ITGA8: variants seen among roughly 807,000 people sequenced by gnomAD.
ITGA8 encodes the protein integrin subunit alpha 8, also known as integrin alpha-8.
In ITGA8, 91 loss-of-function variants were observed where a neutral mutation model predicts 142.3. The ratio of observed to expected loss-of-function variants is 0.64; its 90% confidence interval spans 0.54 to 0.76. ITGA8 has a LOEUF of 0.76. ITGA8 is among the 30% of genes least tolerant of loss of function. ITGA8 has a pLI of 0.00. For synonymous variants in ITGA8, 505 were observed against 485.2 expected, an observed-to-expected ratio of 1.04 and a Z score of -0.54; for missense variants, 1,406 against 1,327.7, an observed-to-expected ratio of 1.06 and a Z score of -0.92.
At chr10:15,544,105 A>G (rs113061441) in intron 27 of ITGA8, among the ~76,000 whole-genome samples, 8,397 of 152,174 alleles carry the variant, frequency 0.055, 748 homozygotes, top group African/African-American at 0.19. Flanking sequence ...GACCAGCCTA[A>G]GCAACATAGC....
At chr10:15,583,945 A>G (rs566323397) in intron 23 of ITGA8, among the ~76,000 whole-genome samples, 1 of 152,362 alleles carries the variant, frequency 6.6e-6, no homozygotes, top group African/African-American at 2.4e-5. Flanking sequence ...ACTAAACTCT[A>G]GAATAGAAAA....
intron 23 of ITGA8, among the ~76,000 whole-genome samples, chr10:15,582,655 G>C (rs1236226874): frequency 1.3e-5 from 2 of 152,254 alleles, no homozygotes; most frequent in African/African-American, 4.8e-5. Flanking sequence ...ATGAGATATT[G>C]ATGGCAAATA....
At chr10:15,712,163 T>C (rs1290708004) in intron 2 of ITGA8, among the ~76,000 whole-genome samples, 1 of 152,268 alleles carries the variant, frequency 6.6e-6, no homozygotes, top group Non-Finnish European at 1.5e-5. Flanking sequence ...AAACATGTAT[T>C]TAAGCTGAAT....
rs868486326 is a variant in ITGA8 at position 15,603,229 on chromosome 10, C to T, written c.2118+979G>A. Among the ~76,000 whole-genome samples, 7 of 152,102 alleles carry T rather than the reference C, an allele frequency of 4.6e-5. 1 individual carries two copies. The highest frequency in any genetic ancestry group is 3.4e-3 in the Middle Eastern group (1 of 294). On this transcript the variant is annotated intron_variant, in intron 20 of 29. Transcript: ENST00000378076. ...TTTATATTCCCTAAGTTTTTTAATG[C>T]CTTTAAAATACCAACATCACAACAA...
At position 15,676,591 on chromosome 10, in the gene ITGA8, A is replaced by G. The variant is rs138732292; in HGVS notation, c.676+1001T>C. On this transcript the variant is annotated intron_variant, in intron 6 of 29. Coordinates refer to ENST00000378076, the MANE Select transcript of ITGA8 (RefSeq NM_003638.3). ...GATACTAACCTCCATGACAGTAAGAACAATGTCTGTTTTTACTCATTAATG... is the reference window on the plus strand; with the variant it reads ...GATACTAACCTCCATGACAGTAAGAGCAATGTCTGTTTTTACTCATTAATG... Among the ~76,000 whole-genome samples the G allele has an allele frequency of 3.0e-3, 463 of 152,320 alleles. 2 individuals carry two copies. Among genetic ancestry groups the G allele is most frequent in the Middle Eastern group, 6.8e-3 (2 of 294 alleles).
intron 4 of ITGA8, among the ~76,000 whole-genome samples, chr10:15,683,464 C>G (rs1365104610): frequency 6.6e-6 from 1 of 152,124 alleles, no homozygotes; most frequent in African/African-American, 2.4e-5. Flanking sequence ...CTAGAACTGC[C>G]AGATGAGATT....
At chr10:15,644,445 T>C (rs1182994282) in intron 12 of ITGA8, among the ~76,000 whole-genome samples, 78 of 646 alleles carry the variant, frequency 0.12, 4 homozygotes, top group South Asian at 0.21. Context: ...TATATATATA[T>C]ATATATATAT....
intron 20 of ITGA8, among the ~76,000 whole-genome samples, chr10:15,597,753 T>C (rs1377820990): frequency 1.3e-5 from 2 of 152,192 alleles, no homozygotes; most frequent in African/African-American, 4.8e-5. Flanking sequence ...CAAATTTCTA[T>C]ACACCATGGT....
intron 9 of ITGA8, among the ~76,000 whole-genome samples, chr10:15,660,019 T>C (rs1381788664): frequency 6.6e-6 from 1 of 152,216 alleles, no homozygotes; most frequent in East Asian, 1.9e-4. Context: ...ATAGCAGTCA[T>C]GGAAACAAAT....
At chr10:15,686,884 A>G (rs1363146506) in intron 3 of ITGA8, among the ~76,000 whole-genome samples, 1 of 152,204 alleles carries the variant, frequency 6.6e-6, no homozygotes, top group African/African-American at 2.4e-5. Flanking sequence ...TGCAACTATT[A>G]TATGTTACAG....
intron 2 of ITGA8, among the ~76,000 whole-genome samples, chr10:15,695,338 T>C (rs1835030926): frequency 6.6e-6 from 1 of 152,190 alleles, no homozygotes; most frequent in Non-Finnish European, 1.5e-5. Flanking sequence ...AAATCACCTT[T>C]CTAAAATTCT....
intron 13 of ITGA8, among the ~76,000 whole-genome samples, chr10:15,636,203 A>G (rs1833770205): frequency 6.6e-6 from 1 of 152,192 alleles, no homozygotes; most frequent in African/African-American, 2.4e-5. Flanking sequence ...TTATACAATC[A>G]CGTTTAATGG....
At chr10:15,558,949 G>T (rs755079489) in intron 25 of ITGA8, among the ~76,000 whole-genome samples, 25 of 152,036 alleles carry the variant, frequency 1.6e-4, no homozygotes, top group Non-Finnish European at 1.3e-4. Flanking sequence ...TGAATACAAA[G>T]ACCTAATTTT....
intron 3 of ITGA8, among the ~76,000 whole-genome samples, chr10:15,684,650 G>C (rs1834802731): frequency 1.3e-5 from 2 of 151,734 alleles, no homozygotes. Context: ...TGGAAATATA[G>C]GGAAGAGCCA....
intron 2 of ITGA8, among the ~76,000 whole-genome samples, chr10:15,693,931 G>A (rs114781487): frequency 0.014 from 2,179 of 151,772 alleles, 58 homozygotes; most frequent in African/African-American, 0.049. Flanking sequence ...GACAGCGTAA[G>A]TCTGTGTTTT....
chr10:15,564,933 G>C (rs1053374177), intron 25 of ITGA8, among the ~76,000 whole-genome samples: 1 of 152,188 alleles, frequency 6.6e-6, no homozygotes, highest in Non-Finnish European at 1.5e-5. Flanking sequence ...TTGAGGATTT[G>C]TAGGGAAAGA....
At chr10:15,668,853 T>G (rs1416448148) in intron 8 of ITGA8, among the ~76,000 whole-genome samples, 1 of 152,252 alleles carries the variant, frequency 6.6e-6, no homozygotes, top group Non-Finnish European at 1.5e-5. Context: ...TGGTCCCCAC[T>G]CTCTTCTGGC....
intron 13 of ITGA8, among the ~76,000 whole-genome samples, chr10:15,618,664 G>C (rs554994108): frequency 6.6e-6 from 1 of 152,232 alleles, no homozygotes; most frequent in African/African-American, 2.4e-5. Flanking sequence ...ATAAAAGCAG[G>C]CAGAGGAACG....
At chr10:15,707,109 C>CA (rs369295355) in intron 2 of ITGA8, among the ~76,000 whole-genome samples, 97 of 152,180 alleles carry the variant, frequency 6.4e-4, no homozygotes, top group African/African-American at 2.1e-3. Context: ...ACCTGTGGTA[C>CA]AAAAAATAAT....
Sources: allele counts gnomAD v4.1 joint callset (sites outside exome capture counted in the v4.1 genomes callset), GRCh38; gene constraint gnomAD v4.1.1; transcripts MANE v1.5; gene names NCBI Gene and HGNC (gene_info 2026-07-23, HGNC 2026-07-21).